Variants in FAR2 observed in about 807,000 individuals in gnomAD.
FAR2 encodes the protein fatty acyl-CoA reductase 2, also known as epididymis secretory protein Li 81.
A neutral mutation model predicts 56.0 loss-of-function variants in FAR2; 19 were observed. That is an observed-to-expected ratio of 0.34 (90% CI 0.24 to 0.50). FAR2 has a LOEUF of 0.50. FAR2 is among the 20% of genes least tolerant of loss of function. The pLI, the probability that FAR2 is intolerant of heterozygous loss-of-function variation, is 0.98. For missense variants in FAR2, 508 were observed against 642.2 expected, an observed-to-expected ratio of 0.79 and a Z score of 2.26; for synonymous variants, 219 against 218.8, an observed-to-expected ratio of 1.00 and a Z score of -0.01.
At chr12:29,215,958 C>A (rs1311119164) in intron 1 of FAR2, among the ~76,000 whole-genome samples, 1 of 152,156 alleles carries the variant, frequency 6.6e-6, no homozygotes, top group Non-Finnish European at 1.5e-5. Context: ...CTTCTGCATC[C>A]TCATGGTCAA....
At chr12:29,193,217 G>A (rs997090940) in intron 1 of FAR2, among the ~76,000 whole-genome samples, 6 of 152,220 alleles carry the variant, frequency 3.9e-5, no homozygotes, top group Middle Eastern at 3.4e-3. Flanking sequence ...TGGTATATTT[G>A]TTATACTGGT....
chr12:29,213,675 A>C (rs1370590205), intron 1 of FAR2, among the ~76,000 whole-genome samples: 1 of 137,502 alleles, frequency 7.3e-6, no homozygotes, highest in Non-Finnish European at 1.6e-5. Flanking sequence ...GGGTGACAGA[A>C]GGAGACTCTG....
In FAR2 at chr12:29,272,250, C is replaced by T. The variant is rs376190963; in HGVS notation, c.189+1612C>T. On this transcript the variant is annotated intron_variant, in intron 2 of 11. Coordinates refer to ENST00000536681, the MANE Select transcript of FAR2 (RefSeq NM_001271783.2). ...TTTTCCAGCTTGTTTCCATTCTCCC[C>T]GTCTCCTTCTGGTACTGCAATCAAT... Among the ~76,000 whole-genome samples the T allele has an allele frequency of 3.9e-4, 59 of 152,260 alleles. 2 individuals are homozygous for T. In the South Asian group the frequency reaches 0.01, roughly 27 times the overall value.
intron 10 of FAR2, among the ~76,000 whole-genome samples, chr12:29,323,215 T>A (rs987022109): frequency 4.6e-5 from 7 of 152,308 alleles, no homozygotes; most frequent in East Asian, 3.9e-4. Context: ...CGCCCGCCAT[T>A]GCTCAGGCCT....
chr12:29,235,059 C>T (rs1346580611), intron 1 of FAR2, among the ~76,000 whole-genome samples: 1 of 152,112 alleles, frequency 6.6e-6, no homozygotes, highest in Non-Finnish European at 1.5e-5. Flanking sequence ...AAGTGTTGTA[C>T]TTGTATTGAC....
intron 10 of FAR2, among the ~76,000 whole-genome samples, chr12:29,328,514 G>T (rs987748042): frequency 6.6e-6 from 1 of 152,120 alleles, no homozygotes; most frequent in African/African-American, 2.4e-5. Context: ...AACAATGATG[G>T]ACTGGATAAA....
chr12:29,270,649 T>G lies in FAR2; in HGVS notation c.189+11T>G. Reference sequence around the variant, plus strand: ...ATCCTAGACAGTAAGGTATGCCTTATAGGAAAGCGTGTGTGATGGGCAATG... The same window carrying G: ...ATCCTAGACAGTAAGGTATGCCTTAGAGGAAAGCGTGTGTGATGGGCAATG... On this transcript the variant is annotated intron_variant, in intron 2 of 11. Transcript: ENST00000536681. 6.3e-7 allele frequency: 1 copy of G among 1,597,456 alleles called. No homozygotes were observed. The highest frequency in any genetic ancestry group is 8.6e-7 in the Non-Finnish European group (1 of 1,169,386).
intron 1 of FAR2, among the ~76,000 whole-genome samples, chr12:29,255,283 TAG>T (rs1266002734): frequency 6.6e-6 from 1 of 152,208 alleles, no homozygotes; most frequent in Non-Finnish European, 1.5e-5. Context: ...TGTGTCTGCC[TAG>T]AGAGCTCTCT....
intron 3 of FAR2, among the ~76,000 whole-genome samples, chr12:29,293,767 A>G (rs1424206824): frequency 6.6e-6 from 1 of 152,206 alleles, no homozygotes; most frequent in Non-Finnish European, 1.5e-5. Context: ...ATTTTTTGAT[A>G]TCTATCATTG....
rs778172416 is a variant in FAR2, at chr12:29,332,894, C to T, written c.1385+167C>T. On this transcript the variant is annotated intron_variant, in intron 11 of 11. Coordinates refer to ENST00000536681, the MANE Select transcript of FAR2 (RefSeq NM_001271783.2). ...GTAACACAGTTTCATTTAGACTTCA[C>T]CACACCTCTATGAGGCAAGTATTAC... 9 of 718,720 alleles carry T rather than the reference C, an allele frequency of 1.3e-5. 1 individual carries two copies. Among genetic ancestry groups the T allele is most frequent in the Non-Finnish European group, 2.2e-5 (9 of 405,532 alleles). 44.5% of individuals were successfully genotyped at this position (718,720 alleles called of 1,614,324 possible). A position where few individuals can be genotyped will look rare whatever the true frequency, so the allele number is the denominator to read the frequency against.
At chr12:29,223,488 C>T (rs1018654092) in intron 1 of FAR2, among the ~76,000 whole-genome samples, 1 of 152,142 alleles carries the variant, frequency 6.6e-6, no homozygotes, top group East Asian at 1.9e-4. Context: ...AATGGCTGAT[C>T]GAATGAATTA....
intron 1 of FAR2, among the ~76,000 whole-genome samples, chr12:29,175,798 G>T (rs919068429): frequency 4.6e-5 from 7 of 152,096 alleles, no homozygotes; most frequent in African/African-American, 1.4e-4. Flanking sequence ...TTTACAGAGT[G>T]TTGATTGGTG....
At chr12:29,185,099 T>C (rs891494418) in intron 1 of FAR2, among the ~76,000 whole-genome samples, 5 of 152,226 alleles carry the variant, frequency 3.3e-5, no homozygotes, top group African/African-American at 7.2e-5. Flanking sequence ...TAAATGTAAT[T>C]TATTACCTCA....
chr12:29,236,916 T>G (rs1166846659), intron 1 of FAR2, among the ~76,000 whole-genome samples: 1 of 152,154 alleles, frequency 6.6e-6, no homozygotes, highest in East Asian at 1.9e-4. Flanking sequence ...AACTAGCTAG[T>G]TAAAGCAAGG....
At chr12:29,323,555 G>T (rs1018718870) in intron 10 of FAR2, among the ~76,000 whole-genome samples, 4 of 152,178 alleles carry the variant, frequency 2.6e-5, no homozygotes, top group African/African-American at 9.6e-5. Context: ...AAAACTTCCA[G>T]AGGAATGATC....
chr12:29,289,033 T>G (rs1948918133), intron 2 of FAR2, among the ~76,000 whole-genome samples: 1 of 152,114 alleles, frequency 6.6e-6, no homozygotes, highest in Admixed American at 6.5e-5. Flanking sequence ...TGAATGAAAT[T>G]GAAGAGGACA....
chr12:29,160,483 A>G (rs924105), intron 1 of FAR2, among the ~76,000 whole-genome samples: 119,852 of 152,116 alleles, frequency 0.79, 47,978 homozygotes, highest in East Asian at 0.91. Context: ...GCTGCGTATC[A>G]AAAGGCAAGT....
At chr12:29,318,843 G>GA (rs1292117398) in intron 9 of FAR2, among the ~76,000 whole-genome samples, 2 of 152,120 alleles carry the variant, frequency 1.3e-5, no homozygotes, top group Admixed American at 6.5e-5. Context: ...CCTGTGTCAG[G>GA]AGAGGATGCT....
chr12:29,233,158 C>T (rs1565481459), intron 1 of FAR2, among the ~76,000 whole-genome samples: 1 of 152,092 alleles, frequency 6.6e-6, no homozygotes, highest in Admixed American at 6.6e-5. Context: ...TTAAACCATA[C>T]ACTCCATTTT....
Sources: allele counts gnomAD v4.1 joint callset (sites outside exome capture counted in the v4.1 genomes callset), GRCh38; gene constraint gnomAD v4.1.1; transcripts MANE v1.5; gene names NCBI Gene and HGNC (gene_info 2026-07-23, HGNC 2026-07-21).